LMBR1: variants seen among roughly 807,000 people sequenced by gnomAD.
LMBR1 encodes limb region 1 protein homolog.
Under a neutral mutation model 73.9 loss-of-function variants are expected in LMBR1, and 52 were observed. The observed-to-expected ratio is 0.70, with a 90% CI of 0.56 to 0.89. LMBR1 has a LOEUF of 0.89. LMBR1 is among the 40% of genes least tolerant of loss of function. LMBR1 has a pLI of 0.00. For missense variants in LMBR1, 539 were observed against 579.8 expected, an observed-to-expected ratio of 0.93 and a Z score of 0.72; for synonymous variants, 215 against 209.4, an observed-to-expected ratio of 1.03 and a Z score of -0.23.
In LMBR1 at chr7:156,670,809, G is replaced by A. The variant is rs562905103; in HGVS notation, n.867-1522C>T. ...AAGCCAGACAAAAAGTGTGCCACTA[G>A]AACGTCTTCGTTAAAGGAAATTCTA... On this transcript the variant is annotated intron_variant and non_coding_transcript_variant, in intron 4 of 4. Coordinates refer to the LMBR1 transcript ENST00000430825. The surrounding 1 kb of genome is among the most constrained non-coding windows in gnomAD (Gnocchi z 4.3). Among the ~76,000 whole-genome samples the A allele has an allele frequency of 1.3e-5, 2 of 152,340 alleles. No individual in the cohort carries two copies. The highest frequency in any genetic ancestry group is 4.1e-4 in the South Asian group (2 of 4,832).
At chr7:156,689,068 A>AACTATT (rs1806589710) in intron 15 of LMBR1, among the ~76,000 whole-genome samples, 4 of 152,194 alleles carry the variant, frequency 2.6e-5, no homozygotes, top group African/African-American at 9.6e-5. Flanking sequence ...CACATTTGTA[A>AACTATT]AAGTATTTTT....
chr7:156,795,536 T>C (rs1829927856), intron 5 of LMBR1, among the ~76,000 whole-genome samples: 2 of 151,988 alleles, frequency 1.3e-5, no homozygotes, highest in South Asian at 4.2e-4. Context: ...TTCTCAAGAG[T>C]CTACAATGAC....
chr7:156,797,042 A>G (rs1462192443), intron 4 of LMBR1, among the ~76,000 whole-genome samples: 1 of 152,232 alleles, frequency 6.6e-6, no homozygotes, highest in Non-Finnish European at 1.5e-5. Context: ...AGATGACAGA[A>G]GAGGAGCAGG....
intron 9 of LMBR1, among the ~76,000 whole-genome samples, chr7:156,737,718 T>TTTTTTTTTTTTTTTTTTTTTTTTTG (rs1432011804): frequency 6.6e-6 from 1 of 152,142 alleles, no homozygotes; most frequent in Non-Finnish European, 1.5e-5. Flanking sequence ...ATCCCATTTT[T>TTTTTTTTTTTTTTTTTTTTTTTTTG]ATGGAACCTG....
intron 9 of LMBR1, among the ~76,000 whole-genome samples, chr7:156,744,100 A>G (rs1169129779): frequency 6.6e-6 from 1 of 152,148 alleles, no homozygotes. Context: ...ACAGGGTCTC[A>G]CTTTATATTA....
chr7:156,840,950 G>C (rs1401353392), intron 1 of LMBR1, among the ~76,000 whole-genome samples: 1 of 132,376 alleles, frequency 7.6e-6, no homozygotes, highest in Non-Finnish European at 1.6e-5. Flanking sequence ...GGGCGACTGA[G>C]CAAGACTCGG....
At chr7:156,862,021 A>G (rs565265156) in intron 1 of LMBR1, among the ~76,000 whole-genome samples, 2 of 152,262 alleles carry the variant, frequency 1.3e-5, no homozygotes, top group African/African-American at 4.8e-5. Context: ...TCACTTCCAC[A>G]TTTTTGGGTA....
chr7:156,778,571 C>T (rs1205707252), intron 5 of LMBR1, among the ~76,000 whole-genome samples: 2 of 152,102 alleles, frequency 1.3e-5, no homozygotes. Context: ...AATTTTTTAC[C>T]TTCAAAAACT....
rs1805791748 is a variant in LMBR1 at position 156,685,397 on chromosome 7, G to A, written c.1388-1234C>T. On this transcript the variant is annotated intron_variant, in intron 16 of 16. Coordinates refer to ENST00000353442, the MANE Select transcript of LMBR1 (RefSeq NM_022458.4). The surrounding 1 kb of genome is among the most constrained non-coding windows in gnomAD (Gnocchi z 4.1). ...TGCATTCTGAGAAATGCGCTGTCGA[G>A]CGATTCTGTCGCTGTGATGCCATCA... Among the ~76,000 whole-genome samples the A allele has an allele frequency of 6.6e-6, 1 of 152,220 alleles. No homozygotes were observed. Among genetic ancestry groups the A allele is most frequent in the Admixed American group, 6.5e-5 (1 of 15,282 alleles).
At chr7:156,800,556 G>C (rs1317163255) in intron 4 of LMBR1, among the ~76,000 whole-genome samples, 1 of 150,648 alleles carries the variant, frequency 6.6e-6, no homozygotes, top group Non-Finnish European at 1.5e-5. Context: ...AGATGAAAGA[G>C]CCCTGGTGGA....
At chr7:156,793,418 A>C (rs899622194) in intron 5 of LMBR1, among the ~76,000 whole-genome samples, 1 of 152,258 alleles carries the variant, frequency 6.6e-6, no homozygotes, top group Admixed American at 6.5e-5. Context: ...GCTTAATTTT[A>C]AAACTTTCTA....
intron 8 of LMBR1, among the ~76,000 whole-genome samples, chr7:156,761,899 C>T (rs1425246012): frequency 1.3e-5 from 2 of 150,438 alleles, no homozygotes; most frequent in Admixed American, 6.6e-5. Flanking sequence ...AAGGTGTGAA[C>T]CCAGGGGGCG....
In LMBR1 at chr7:156,893,013, C is replaced by T. The variant is rs1198896147; in HGVS notation, c.-20G>A. ...TTCCATCCTCCTTCATGCCCGCCGCCGCGCCGCCCGCGTCCGCGTGCTCCG... is the reference window on the plus strand; with the variant it reads ...TTCCATCCTCCTTCATGCCCGCCGCTGCGCCGCCCGCGTCCGCGTGCTCCG... On this transcript the variant is annotated 5_prime_UTR_variant, in exon 1 of 17. Coordinates refer to ENST00000353442, the MANE Select transcript of LMBR1 (RefSeq NM_022458.4). 2 of 1,497,302 alleles carry T rather than the reference C, an allele frequency of 1.3e-6. No homozygotes were observed. Among genetic ancestry groups the T allele is most frequent in the Non-Finnish European group, 8.9e-7 (1 of 1,129,710 alleles). The allele number at this position is 1,497,302 out of a possible 1,614,324, so 92.8% of individuals were successfully genotyped here. A position where few individuals can be genotyped will look rare whatever the true frequency, so the allele number is the denominator to read the frequency against.
chr7:156,671,943 G>C (rs1802645999), intron 4 of LMBR1, among the ~76,000 whole-genome samples: 2 of 152,194 alleles, frequency 1.3e-5, no homozygotes. Flanking sequence ...AGAAATTTCA[G>C]TTGAATAGCA....
intron 1 of LMBR1, among the ~76,000 whole-genome samples, chr7:156,866,077 AAAAT>A: frequency 6.6e-6 from 1 of 152,224 alleles, no homozygotes; most frequent in East Asian, 1.9e-4. Context: ...AAAAAAAAAA[AAAAT>A]AGAGAAACTG....
At chr7:156,744,763 AT>A (rs1350927364) in intron 9 of LMBR1, among the ~76,000 whole-genome samples, 2 of 152,160 alleles carry the variant, frequency 1.3e-5, no homozygotes, top group African/African-American at 4.8e-5. Flanking sequence ...ACATAAATTT[AT>A]TGTCTTACAG....
At chr7:156,733,079 A>G (rs954696941) in intron 10 of LMBR1, among the ~76,000 whole-genome samples, 1 of 152,186 alleles carries the variant, frequency 6.6e-6, no homozygotes, top group Non-Finnish European at 1.5e-5. Context: ...GGGGAGGCGG[A>G]GGTTGCAGTG....
intron 2 of LMBR1, 95 bp downstream of exon 2, chr7:156,836,718 C>A (rs779646683): frequency 5.4e-6 from 4 of 734,728 alleles, no homozygotes; most frequent in Non-Finnish European, 8.6e-6. Flanking sequence ...ATATTCAATA[C>A]ACTATGACAC....
chr7:156,837,335 C>CAAA (rs61161222), intron 1 of LMBR1, among the ~76,000 whole-genome samples: 1 of 101,716 alleles, frequency 9.8e-6, no homozygotes, highest in Non-Finnish European at 2.0e-5. Context: ...GACTCCATCT[C>CAAA]AAAAAAAAAA....
Sources: allele counts gnomAD v4.1 joint callset (sites outside exome capture counted in the v4.1 genomes callset), GRCh38; gene constraint gnomAD v4.1.1; non-coding constraint Gnocchi (gnomAD v3.1); transcripts MANE v1.5; gene names NCBI Gene and HGNC (gene_info 2026-07-23, HGNC 2026-07-21).